Variants in TENM1 observed in about 807,000 individuals in gnomAD.
TENM1 encodes the protein teneurin-1.
A neutral mutation model predicts 174.8 loss-of-function variants in TENM1; 35 were observed. The ratio of observed to expected loss-of-function variants is 0.20; its 90% CI spans 0.15 to 0.27. The LOEUF (loss-of-function observed/expected upper bound fraction) is 0.27. TENM1 is among the 10% of genes least tolerant of loss of function. The pLI is 1.00. For missense variants in TENM1, 1,633 were observed against 2,130.1 expected (o/e 0.77, Z 4.59); for synonymous variants, 781 against 798.7 (o/e 0.98, Z 0.37).
At chrX:125,012,081 G>A in the TENM1 span, among the ~76,000 whole-genome samples, 1 of 111,417 alleles carries the variant, frequency 9.0e-6, no homozygotes, top group African/African-American at 3.3e-5. Flanking sequence ...AACTAACACA[G>A]GAACAGAAAA....
chrX:124,907,652 C>T (rs1487543472), intron 1 of TENM1, among the ~76,000 whole-genome samples: 1 of 111,826 alleles, frequency 8.9e-6, no homozygotes, highest in East Asian at 2.8e-4. Flanking sequence ...ATTTAAAAAA[C>T]CCTCAGAATC....
chrX:124,439,319 T>C (rs191716639), intron 23 of TENM1, among the ~76,000 whole-genome samples: 2 of 112,247 alleles, frequency 1.8e-5, no homozygotes, highest in East Asian at 5.6e-4. Flanking sequence ...GCTGCTTTTT[T>C]ACTTCTTGAT....
At chrX:124,803,785 A>G (rs761749441) in intron 3 of TENM1, among the ~76,000 whole-genome samples, 4 of 112,171 alleles carry the variant, frequency 3.6e-5, no homozygotes, top group African/African-American at 1.3e-4. Flanking sequence ...TAATCTGACA[A>G]TCAATATAAT....
intron 3 of TENM1, among the ~76,000 whole-genome samples, chrX:124,753,624 T>G: frequency 1.8e-5 from 2 of 109,081 alleles, no homozygotes; most frequent in Non-Finnish European, 3.8e-5. Context: ...TGGCTGTGGG[T>G]TTGTCATAGA....
At chrX:124,609,142 A>G (rs1247006242) in intron 11 of TENM1, among the ~76,000 whole-genome samples, 2 of 111,585 alleles carry the variant, frequency 1.8e-5, no homozygotes, top group Admixed American at 9.5e-5. Flanking sequence ...GCCAACACAC[A>G]GGGGGTTTTT....
chrX:124,707,829 C>T (rs931281323), intron 4 of TENM1, among the ~76,000 whole-genome samples: 1 of 112,080 alleles, frequency 8.9e-6, no homozygotes, highest in African/African-American at 3.3e-5. Flanking sequence ...AATAAATGTC[C>T]ATACTTCCAC....
chrX:124,554,689 C>T (rs1473158931), intron 14 of TENM1, among the ~76,000 whole-genome samples: 1 of 111,888 alleles, frequency 8.9e-6, no homozygotes, highest in Non-Finnish European at 1.9e-5. Flanking sequence ...CTGAAGCATG[C>T]TGGTGCCATT....
In TENM1 at chrX:124,624,134, A is replaced by C. The variant is rs966534678; in HGVS notation, c.2077+17657T>G. On this transcript the variant is annotated intron_variant, in intron 11 of 31. Transcript: ENST00000422452. ...GTTTTCAGAGGAGGTGCTGTGGCTCAGAGAAGTTAAATGACTTGCTTAAGG... is the reference window on the plus strand; with the variant it reads ...GTTTTCAGAGGAGGTGCTGTGGCTCCGAGAAGTTAAATGACTTGCTTAAGG... 3.6e-5 allele frequency among the ~76,000 whole-genome samples: 4 copies of C among 112,083 alleles called. No individual in the cohort carries two copies. The East Asian group carries it at 1.1e-3, about 31-fold the overall frequency.
At chrX:125,102,912 G>A in the TENM1 span, among the ~76,000 whole-genome samples, 5 of 111,763 alleles carry the variant, frequency 4.5e-5, no homozygotes, top group Admixed American at 9.5e-5. Context: ...AGGGTGAGAG[G>A]TGATCCTGCA....
chrX:125,053,932 C>G, the TENM1 span, among the ~76,000 whole-genome samples: 640 of 111,714 alleles, frequency 5.7e-3, 6 homozygotes, highest in African/African-American at 0.019. Flanking sequence ...CTCTAAACCA[C>G]TATGCCAAAA....
rs752379952 is a variant in TENM1, at chrX:124,944,120, T to C, written c.217+19417A>G. On this transcript the variant is annotated intron_variant, in intron 1 of 31. Transcript: ENST00000422452. ...TGGATGAAGTATAAAAGAGATATCC[T>C]GCTTATTATTATAATGATAAGTTCA... 2.2e-4 allele frequency among the ~76,000 whole-genome samples: 25 copies of C among 111,802 alleles called. No individual in the cohort carries two copies. In the East Asian group the frequency reaches 6.4e-3, roughly 29 times the overall value.
chrX:124,825,814 T>G (rs931466370), intron 3 of TENM1, among the ~76,000 whole-genome samples: 1 of 111,881 alleles, frequency 8.9e-6, no homozygotes, highest in African/African-American at 3.3e-5. Flanking sequence ...AGCCGTCAGG[T>G]GTGCCATTGA....
intron 5 of TENM1, among the ~76,000 whole-genome samples, chrX:124,698,793 A>G (rs1292934494): frequency 1.8e-5 from 2 of 111,087 alleles, no homozygotes; most frequent in Admixed American, 9.6e-5. Flanking sequence ...ATATATTTGT[A>G]TTTATTAAAA....
intron 25 of TENM1, among the ~76,000 whole-genome samples, chrX:124,406,905 G>C (rs1346005425): frequency 9.0e-6 from 1 of 111,372 alleles, no homozygotes; most frequent in Non-Finnish European, 1.9e-5. Flanking sequence ...GCCCTCAAAG[G>C]CTGAGAAGCC....
intron 5 of TENM1, among the ~76,000 whole-genome samples, chrX:124,691,060 T>C (rs1263789763): frequency 9.0e-6 from 1 of 111,606 alleles, no homozygotes; most frequent in Non-Finnish European, 1.9e-5. Context: ...CATATTTTTA[T>C]TTCCTTTTCC....
chrX:124,453,246 C>G, intron 23 of TENM1, 91 bp downstream of exon 26: 2 of 901,116 alleles, frequency 2.2e-6, no homozygotes, highest in Non-Finnish European at 3.1e-6. Context: ...ATATGCCAGG[C>G]TTCCATTCTA....
At chrX:124,946,972 G>C (rs2058412447) in intron 1 of TENM1, among the ~76,000 whole-genome samples, 1 of 109,443 alleles carries the variant, frequency 9.1e-6, no homozygotes, top group Non-Finnish European at 1.9e-5. Context: ...AGTAGACTTA[G>C]TTGTCAAATA....
At chrX:125,032,465 C>T in the TENM1 span, among the ~76,000 whole-genome samples, 1 of 111,054 alleles carries the variant, frequency 9.0e-6, no homozygotes, top group African/African-American at 3.3e-5. Flanking sequence ...CCACCGTGTC[C>T]AGCCAAATTC....
intron 11 of TENM1, among the ~76,000 whole-genome samples, chrX:124,629,506 T>A (rs2050710251): frequency 8.9e-6 from 1 of 112,657 alleles, no homozygotes; most frequent in African/African-American, 3.2e-5. Context: ...TGACATACAA[T>A]GCCAACAATA....
Sources: allele counts gnomAD v4.1 joint callset (sites outside exome capture counted in the v4.1 genomes callset), GRCh38; gene constraint gnomAD v4.1.1; transcripts MANE v1.5; gene names NCBI Gene and HGNC (gene_info 2026-07-23, HGNC 2026-07-21).